The following SEMA4D variants were observed in gnomAD, a reference collection of about 807,000 sequenced individuals.
SEMA4D encodes the protein semaphorin-4D.
A neutral mutation model predicts 74.8 loss-of-function variants in SEMA4D; 22 were observed. That is an observed-to-expected ratio of 0.29 (90% CI 0.21 to 0.42). SEMA4D has a LOEUF of 0.42. SEMA4D is among the 10% of genes least tolerant of loss of function. The pLI is 1.00. For missense variants in SEMA4D, 937 were observed against 1,118.4 expected (o/e 0.84, Z 2.31); for synonymous variants, 445 against 463.7 (o/e 0.96, Z 0.52).
rs1227908617 is a variant in SEMA4D at position 89,461,122 on chromosome 9, G to C, written c.-309-5169C>G. 4.8e-3 allele frequency among the ~76,000 whole-genome samples: 723 copies of C among 152,164 alleles called. 4 individuals are homozygous for C. The highest frequency in any genetic ancestry group is 0.017 in the African/African-American group (691 of 41,512). ...CACGAAAGAAAATGTGCATCTCACT[G>C]GAGGTCAGAAAAATGCAGATTAAAG... On this transcript the variant is annotated intron_variant, in intron 1 of 15. Transcript: ENST00000422704.
At chr9:89,362,879 G>T (rs1370402056) in intron 18 of SEMA4D, among the ~76,000 whole-genome samples, 1 of 152,176 alleles carries the variant, frequency 6.6e-6, no homozygotes, top group Admixed American at 6.5e-5. Flanking sequence ...TTTAGGAGCC[G>T]GGGCTGGACA....
chr9:89,362,661 C>T (rs1378344788), intron 18 of SEMA4D, among the ~76,000 whole-genome samples: 3 of 152,200 alleles, frequency 2.0e-5, no homozygotes, highest in African/African-American at 4.8e-5. Flanking sequence ...TGCTGAGAGG[C>T]AGGAGGGCTG....
chr9:89,457,837 T>G (rs1225074827), intron 1 of SEMA4D, among the ~76,000 whole-genome samples: 1 of 150,542 alleles, frequency 6.6e-6, no homozygotes, highest in African/African-American at 2.5e-5. Flanking sequence ...ATCGAGACCA[T>G]CCTAGCTAAC....
At chr9:89,473,196 T>C (rs1860852711) in intron 1 of SEMA4D, among the ~76,000 whole-genome samples, 1 of 152,236 alleles carries the variant, frequency 6.6e-6, no homozygotes, top group Non-Finnish European at 1.5e-5. Flanking sequence ...TTTTGAAATA[T>C]GTAAGTTGTG....
chr9:89,399,362 G>A (rs1447083287), intron 4 of SEMA4D, 24 bp from the exon 5 acceptor site: 2 of 1,559,806 alleles, frequency 1.3e-6, no homozygotes, highest in Admixed American at 1.7e-5. Flanking sequence ...GTCCATATCA[G>A]TGCATATTCT....
chr9:89,471,374 C>G (rs1175481936), intron 1 of SEMA4D, among the ~76,000 whole-genome samples: 1 of 152,128 alleles, frequency 6.6e-6, no homozygotes, highest in Admixed American at 6.5e-5. Context: ...GTTTATTTTA[C>G]CACAATTGTA....
At chr9:89,476,674 T>C (rs138749993) in intron 1 of SEMA4D, among the ~76,000 whole-genome samples, 1 of 152,318 alleles carries the variant, frequency 6.6e-6, no homozygotes, top group African/African-American at 2.4e-5. Flanking sequence ...CCTTGTAATG[T>C]CTACACACGC....
intron 2 of SEMA4D, among the ~76,000 whole-genome samples, chr9:89,408,885 G>T (rs1414934735): frequency 6.6e-6 from 1 of 152,196 alleles, no homozygotes; most frequent in Non-Finnish European, 1.5e-5. Flanking sequence ...CCTCTCTCGT[G>T]GCATGTCCCC....
At chr9:89,371,936 G>GGTGTGGT (rs1834994512) in intron 16 of SEMA4D, among the ~76,000 whole-genome samples, 1 of 77,104 alleles carries the variant, frequency 1.3e-5, no homozygotes, top group African/African-American at 5.6e-5. Flanking sequence ...GTGTGTGTGG[G>GGTGTGGT]GTGTGGTGTG....
chr9:89,465,289 C>T (rs28498354), intron 1 of SEMA4D, among the ~76,000 whole-genome samples: 19,880 of 152,186 alleles, frequency 0.13, 1,367 homozygotes, highest in Middle Eastern at 0.22. Flanking sequence ...ACCATCCATC[C>T]GGTGAGATTG....
intron 2 of SEMA4D, among the ~76,000 whole-genome samples, chr9:89,421,582 G>A (rs1471497774): frequency 6.6e-6 from 1 of 152,202 alleles, no homozygotes; most frequent in Non-Finnish European, 1.5e-5. Flanking sequence ...GTCCACCAGT[G>A]TGTGTGCGTC....
At position 89,455,042 on chromosome 9, in the gene SEMA4D, G is replaced by C. The variant is rs76452831; in HGVS notation, c.-244+846C>G. Among the ~76,000 whole-genome samples the C allele has an allele frequency of 5.6e-3, 850 of 152,366 alleles. 9 individuals carry two copies. The highest frequency in any genetic ancestry group is 8.4e-3 in the Non-Finnish European group (571 of 68,036). On this transcript the variant is annotated intron_variant, in intron 2 of 15. Transcript: ENST00000422704. ...GCAGCCCGATCCCAACAGTTGGGAGGGGGTGGGGACAGGGCCAGAGAAAAC... is the reference window on the plus strand; with the variant it reads ...GCAGCCCGATCCCAACAGTTGGGAGCGGGTGGGGACAGGGCCAGAGAAAAC...
rs1435905227 is a variant in SEMA4D at position 89,362,354 on chromosome 9, AGGGTCTTGTTG to A, written c.*37_*47del. 4 of 1,613,862 alleles carry A rather than the reference AGGGTCTTGTTG, an allele frequency of 2.5e-6. No homozygotes were observed. In the African/African-American group the frequency reaches 5.3e-5, roughly 22 times the overall value. ...GGGGGTGGCTGTGGTCAGTGGCAGC[AGGGTCTTGTTG>A]GGGTTGAGGTCGGTGTCAGGGACTC... On this transcript the variant is annotated 3_prime_UTR_variant, in exon 19 of 19. Transcript: ENST00000339861.
chr9:89,400,477 A>T (rs552042196), intron 4 of SEMA4D, among the ~76,000 whole-genome samples: 109 of 152,326 alleles, frequency 7.2e-4, no homozygotes, highest in Middle Eastern at 3.4e-3. Flanking sequence ...CAGGGCTTCT[A>T]GGAGGGAGAG....
chr9:89,417,587 T>C (rs4877084), intron 2 of SEMA4D, among the ~76,000 whole-genome samples: 35,309 of 152,176 alleles, frequency 0.23, 4,451 homozygotes, highest in Non-Finnish European at 0.28. Context: ...AAACTGAAAA[T>C]GCATGGCTTG....
intron 1 of SEMA4D, among the ~76,000 whole-genome samples, chr9:89,483,698 T>G (rs1824911273): frequency 9.9e-6 from 1 of 101,334 alleles, no homozygotes; most frequent in Non-Finnish European, 2.2e-5. Flanking sequence ...AGGGCGGCTG[T>G]TATGAGCAAA....
chr9:89,393,774 C>T, intron 6 of SEMA4D, 119 bp from the exon 7 acceptor site: 1 of 742,974 alleles, frequency 1.3e-6, no homozygotes, highest in Non-Finnish European at 2.3e-6. Flanking sequence ...CAGGGCCGAG[C>T]AGATAGGTGT....
intron 1 of SEMA4D, among the ~76,000 whole-genome samples, chr9:89,476,089 C>T (rs940627068): frequency 2.6e-5 from 4 of 152,148 alleles, no homozygotes; most frequent in African/African-American, 7.2e-5. Context: ...CACAAGGCCC[C>T]GGACCTCGCT....
At chr9:89,395,489 C>T (rs1840759909) in intron 6 of SEMA4D, among the ~76,000 whole-genome samples, 1 of 151,914 alleles carries the variant, frequency 6.6e-6, no homozygotes, top group Non-Finnish European at 1.5e-5. Flanking sequence ...TATCCTCTAA[C>T]CTCAACAGCT....
Sources: gnomAD v4.1 joint callset for allele counts (sites outside exome capture counted in the v4.1 genomes callset) on GRCh38, gnomAD v4.1.1 for gene constraint, MANE v1.5 for transcripts, NCBI Gene and HGNC (gene_info 2026-07-23, HGNC 2026-07-21) for gene names.